TEAD4: variants seen among roughly 807,000 people sequenced by gnomAD.
The protein encoded by TEAD4 is transcriptional enhancer factor TEF-3.
Under a neutral mutation model 52.4 loss-of-function variants are expected in TEAD4, and 36 were observed. The observed-to-expected ratio is 0.69, with a 90% CI of 0.53 to 0.91. TEAD4 has a LOEUF of 0.91. TEAD4 is among the 40% of genes least tolerant of loss of function. The pLI is 0.00. For missense variants in TEAD4, 508 were observed against 583.9 expected (o/e 0.87, Z 1.34); for synonymous variants, 220 against 231.0 (o/e 0.95, Z 0.43).
At chr12:3,019,719 A>T (rs1236454828) in intron 8 of TEAD4, among the ~76,000 whole-genome samples, 2 of 152,060 alleles carry the variant, frequency 1.3e-5, no homozygotes, top group African/African-American at 4.8e-5. Flanking sequence ...GGACAAGACC[A>T]GCTCCTCACT....
At chr12:3,015,037 T>A (rs917573392) in intron 5 of TEAD4, among the ~76,000 whole-genome samples, 4 of 152,160 alleles carry the variant, frequency 2.6e-5, no homozygotes, top group Admixed American at 6.5e-5. Flanking sequence ...TTAGACTTAC[T>A]AGTTAGCTCC....
At chr12:3,018,950 G>A (rs1382361800) in intron 7 of TEAD4, among the ~76,000 whole-genome samples, 165 bp from the exon 8 acceptor site, 5 of 152,036 alleles carry the variant, frequency 3.3e-5, no homozygotes, top group Non-Finnish European at 5.9e-5. Flanking sequence ...GACCCGCCAC[G>A]AAACCCAGGG....
chr12:3,001,537 C>G (rs181882924), intron 3 of TEAD4, among the ~76,000 whole-genome samples: 75 of 152,260 alleles, frequency 4.9e-4, no homozygotes, highest in Admixed American at 1.0e-3. Context: ...TTTGGGAGGC[C>G]GAGGCGGGTG....
chr12:2,974,786 T>C (rs6489409), intron 2 of TEAD4, among the ~76,000 whole-genome samples: 124,200 of 151,980 alleles, frequency 0.82, 51,384 homozygotes, highest in Middle Eastern at 0.89. Flanking sequence ...GGGCTGACCC[T>C]CGGGTTCTGA....
intron 3 of TEAD4, among the ~76,000 whole-genome samples, chr12:2,995,637 G>C (rs1291250747): frequency 6.6e-6 from 1 of 152,076 alleles, no homozygotes; most frequent in Admixed American, 6.5e-5. Flanking sequence ...ACTGTTCAGC[G>C]ATGCATGGGA....
intron 2 of TEAD4, among the ~76,000 whole-genome samples, chr12:2,973,318 G>A (rs11609138): frequency 0.12 from 18,047 of 152,162 alleles, 1,227 homozygotes; most frequent in African/African-American, 0.18. Flanking sequence ...CAGTCCACCC[G>A]CCTCGCCTCC....
In TEAD4 at chr12:2,994,570, G is replaced by A. The variant is rs2098245682; in HGVS notation, c.-29-168G>A. Among the ~76,000 whole-genome samples the A allele has an allele frequency of 1.3e-5, 2 of 152,300 alleles. No homozygotes were observed. Among genetic ancestry groups the A allele is most frequent in the South Asian group, 4.1e-4 (2 of 4,820 alleles). On this transcript the variant is annotated intron_variant, in intron 2 of 12. Coordinates refer to ENST00000359864, the MANE Select transcript of TEAD4 (RefSeq NM_003213.4). The surrounding 1 kb of genome is among the most constrained non-coding windows in gnomAD (Gnocchi z 4.7). ...AGATGGGAAGATGAGCTCTCCAGAGGGGATGGGACCTGTTCAAGACCCCAG... is the reference window on the plus strand; with the variant it reads ...AGATGGGAAGATGAGCTCTCCAGAGAGGATGGGACCTGTTCAAGACCCCAG...
intron 2 of TEAD4, among the ~76,000 whole-genome samples, chr12:2,991,401 C>T (rs1301096569): frequency 6.6e-6 from 1 of 152,166 alleles, no homozygotes; most frequent in Non-Finnish European, 1.5e-5. Context: ...ATGGCTCACG[C>T]CTGTGATTTC....
chr12:2,987,756 GT>G (rs200282017), intron 2 of TEAD4, among the ~76,000 whole-genome samples: 10,593 of 151,192 alleles, frequency 0.07, 782 homozygotes, highest in Admixed American at 0.18. Flanking sequence ...GGAAAACTGT[GT>G]GGAATTTTTT....
chr12:2,969,692 G>A (rs953887537), intron 2 of TEAD4, among the ~76,000 whole-genome samples: 2 of 152,234 alleles, frequency 1.3e-5, no homozygotes, highest in Non-Finnish European at 2.9e-5. Context: ...TGGGACGAGG[G>A]TGCAGTGTCT....
chr12:2,976,841 G>T (rs576357017), intron 2 of TEAD4, among the ~76,000 whole-genome samples: 3 of 152,272 alleles, frequency 2.0e-5, no homozygotes, highest in African/African-American at 7.2e-5. Flanking sequence ...CTGGGCTGGG[G>T]CCTGCAGCAT....
At chr12:3,010,786 T>G (rs2098259665) in intron 3 of TEAD4, among the ~76,000 whole-genome samples, 1 of 152,158 alleles carries the variant, frequency 6.6e-6, no homozygotes, top group South Asian at 2.1e-4. Context: ...AACCTTGTTC[T>G]CGGGTTTCAG....
intron 2 of TEAD4, among the ~76,000 whole-genome samples, chr12:2,971,904 C>T (rs2098225486): frequency 7.1e-6 from 1 of 141,682 alleles, no homozygotes; most frequent in Non-Finnish European, 1.5e-5. Context: ...CCTCCGCCTC[C>T]CGGGTTCAAG....
chr12:3,004,507 G>A (rs2098254281), intron 3 of TEAD4, among the ~76,000 whole-genome samples: 1 of 152,108 alleles, frequency 6.6e-6, no homozygotes, highest in Admixed American at 6.5e-5. Context: ...GTGGTACCAT[G>A]CAGTAGCCAC....
intron 9 of TEAD4, 79 bp from the exon 10 acceptor site, chr12:3,021,765 G>T (rs1158237955): frequency 6.6e-7 from 1 of 1,508,064 alleles, no homozygotes; most frequent in Admixed American, 2.0e-5. Flanking sequence ...CAGGTCACGT[G>T]GTGGGCACGC....
At chr12:3,007,212 T>C (rs1160329659) in intron 3 of TEAD4, among the ~76,000 whole-genome samples, 1 of 152,086 alleles carries the variant, frequency 6.6e-6, no homozygotes, top group African/African-American at 2.4e-5. Context: ...AGAGGCTGAG[T>C]CCTCTGTGAT....
At chr12:2,988,895 C>T (rs992339960) in intron 2 of TEAD4, among the ~76,000 whole-genome samples, 1 of 152,324 alleles carries the variant, frequency 6.6e-6, no homozygotes, top group Non-Finnish European at 1.5e-5. Context: ...CAGGAGAGAA[C>T]ATGGAAGCTT....
chr12:2,978,403 T>G (rs562280212), intron 2 of TEAD4, among the ~76,000 whole-genome samples: 53 of 151,924 alleles, frequency 3.5e-4, no homozygotes, highest in Admixed American at 1.2e-3. Flanking sequence ...TTTTGTTTTT[T>G]TTTGTTTTGT....
At chr12:3,014,727 T>G (rs1264956332) in intron 5 of TEAD4, among the ~76,000 whole-genome samples, 3 of 152,182 alleles carry the variant, frequency 2.0e-5, no homozygotes, top group Non-Finnish European at 4.4e-5. Flanking sequence ...CCTGGCTCCA[T>G]TGCCCGGCTA....
Sources: allele counts gnomAD v4.1 joint callset (sites outside exome capture counted in the v4.1 genomes callset), GRCh38; gene constraint gnomAD v4.1.1; non-coding constraint Gnocchi (gnomAD v3.1); transcripts MANE v1.5; gene names NCBI Gene and HGNC (gene_info 2026-07-23, HGNC 2026-07-21).